ZHX2: variants seen among roughly 807,000 people sequenced by gnomAD.
ZHX2 encodes zinc fingers and homeoboxes 2.
ZHX2 carries 6 observed loss-of-function variants against 21.9 expected under a neutral mutation model. That is an observed-to-expected ratio of 0.27 (90% CI 0.15 to 0.54). The LOEUF is 0.54. Ranked by LOEUF, ZHX2 falls within the 20% of genes least tolerant of loss-of-function variation. ZHX2 has a pLI of 0.95. For missense variants in ZHX2, 908 were observed against 1,090.7 expected (o/e 0.83, Z 2.36); for synonymous variants, 434 against 437.1 (o/e 0.99, Z 0.09).
chr8:122,804,062 A>T lies in ZHX2; in HGVS notation c.-283+22116A>T, dbSNP rs11993654. Reference sequence around the variant, plus strand: ...CAGAAAACCCATCATCACTGGTAGAAGTTTGTAGGGATTCTTTCATTTTTG... The same window carrying T: ...CAGAAAACCCATCATCACTGGTAGATGTTTGTAGGGATTCTTTCATTTTTG... On this transcript the variant is annotated intron_variant, in intron 1 of 3. Coordinates refer to ENST00000314393, the MANE Select transcript of ZHX2 (RefSeq NM_014943.5). Among the ~76,000 whole-genome samples, 661 of 152,244 alleles carry T rather than the reference A, an allele frequency of 4.3e-3. 4 individuals are homozygous for T. Among genetic ancestry groups the T allele is most frequent in the African/African-American group, 0.015 (631 of 41,538 alleles).
chr8:122,874,089 T>C (rs1819509247), intron 2 of ZHX2, among the ~76,000 whole-genome samples: 2 of 152,202 alleles, frequency 1.3e-5, no homozygotes, highest in African/African-American at 4.8e-5. Context: ...CAAGTGCAGT[T>C]CTGAGAAGGG....
rs1188438516 is a variant in ZHX2 at position 122,930,652 on chromosome 8, T to G, written c.-219-20640T>G. Among the ~76,000 whole-genome samples, 4 of 151,790 alleles carry G rather than the reference T, an allele frequency of 2.6e-5. 1 individual carries two copies. Among genetic ancestry groups the G allele is most frequent in the South Asian group, 4.2e-4 (2 of 4,782 alleles). On this transcript the variant is annotated intron_variant, in intron 2 of 3. Transcript: ENST00000314393. ...ACGCCTGGCTAATTTTTGTTTTTTTTTTTTTTTTATTTTTTTCAGTAGAGA... is the reference window on the plus strand; with the variant it reads ...ACGCCTGGCTAATTTTTGTTTTTTTGTTTTTTTTATTTTTTTCAGTAGAGA...
chr8:122,965,442 C>G (rs115845066), intron 3 of ZHX2, among the ~76,000 whole-genome samples: 1 of 152,020 alleles, frequency 6.6e-6, no homozygotes, highest in South Asian at 2.1e-4. Flanking sequence ...TTAACTTCCA[C>G]GTATTTGTAT....
At chr8:122,796,038 G>A (rs1817607313) in intron 1 of ZHX2, among the ~76,000 whole-genome samples, 1 of 152,066 alleles carries the variant, frequency 6.6e-6, no homozygotes, top group Non-Finnish European at 1.5e-5. Flanking sequence ...GGGCATGGTG[G>A]CAGGCGCCTG....
At chr8:122,965,777 G>A (rs1391823794) in intron 3 of ZHX2, among the ~76,000 whole-genome samples, 2 of 152,070 alleles carry the variant, frequency 1.3e-5, no homozygotes, top group African/African-American at 2.4e-5. Context: ...TTGAGTTGCT[G>A]TCTATCTCAT....
rs538403685 is a variant in ZHX2, at chr8:122,834,232, T to C, written c.-282-29245T>C. On this transcript the variant is annotated intron_variant, in intron 1 of 3. Transcript: ENST00000314393. ...TTGGCTTGGATGAAGTGATGGTAGT[T>C]GCCAGGGCGTCTGTTCCAGGGCACC... is the stretch of plus-strand genomic sequence containing the variant. 2.0e-5 allele frequency among the ~76,000 whole-genome samples: 3 copies of C among 152,300 alleles called. No individual in the cohort carries two copies. In the South Asian group the frequency reaches 6.2e-4, roughly 32 times the overall value.
intron 1 of ZHX2, among the ~76,000 whole-genome samples, chr8:122,853,435 G>A (rs777310611): frequency 2.0e-5 from 3 of 152,182 alleles, no homozygotes; most frequent in East Asian, 1.9e-4. Context: ...GCATCTGAAT[G>A]TGTTAGCACA....
At chr8:122,878,151 G>A (rs1819614190) in intron 2 of ZHX2, among the ~76,000 whole-genome samples, 3 of 152,092 alleles carry the variant, frequency 2.0e-5, no homozygotes, top group Admixed American at 2.0e-4. Flanking sequence ...GGCAAAGAAA[G>A]GAAGGCTTGA....
intron 1 of ZHX2, among the ~76,000 whole-genome samples, chr8:122,793,320 G>T (rs1331981026): frequency 6.6e-6 from 1 of 152,162 alleles, no homozygotes; most frequent in Non-Finnish European, 1.5e-5. Flanking sequence ...AAGGAAACTG[G>T]ACATCCAGGC....
At chr8:122,807,921 G>A (rs567790957) in intron 1 of ZHX2, 1 of 152,302 alleles carries the variant, frequency 6.6e-6, no homozygotes, top group East Asian at 1.9e-4. Context: ...GTAGAGGTGA[G>A]ATCTCAGCTT....
intron 2 of ZHX2, among the ~76,000 whole-genome samples, chr8:122,935,058 G>A (rs1455651987): frequency 6.6e-6 from 1 of 151,812 alleles, no homozygotes; most frequent in African/African-American, 2.4e-5. Context: ...GTGCTATATA[G>A]TTTTTTTTAT....
At chr8:122,907,191 C>T (rs1820369696) in intron 2 of ZHX2, among the ~76,000 whole-genome samples, 1 of 152,142 alleles carries the variant, frequency 6.6e-6, no homozygotes, top group Admixed American at 6.5e-5. Flanking sequence ...CTTTCCTCAA[C>T]CTTTTGACAG....
chr8:122,872,651 T>G (rs76279505), intron 2 of ZHX2, among the ~76,000 whole-genome samples: 12,594 of 152,232 alleles, frequency 0.083, 628 homozygotes, highest in African/African-American at 0.12. Context: ...CTATAACTCG[T>G]AGATACCAAT....
At chr8:122,928,895 G>A (rs1318492112) in intron 2 of ZHX2, among the ~76,000 whole-genome samples, 1 of 152,186 alleles carries the variant, frequency 6.6e-6, no homozygotes, top group Non-Finnish European at 1.5e-5. Flanking sequence ...TTGGGACAAG[G>A]TGAGTTTTCC....
chr8:122,880,812 T>C (rs1440548606), intron 2 of ZHX2, among the ~76,000 whole-genome samples: 1 of 148,756 alleles, frequency 6.7e-6, no homozygotes, highest in Non-Finnish European at 1.5e-5. Context: ...GAGATGCTCA[T>C]GAGTGAGAAC....
At chr8:122,850,130 A>G (rs1428053765) in intron 1 of ZHX2, among the ~76,000 whole-genome samples, 1 of 152,060 alleles carries the variant, frequency 6.6e-6, no homozygotes, top group Non-Finnish European at 1.5e-5. Context: ...TTTCTCTCAC[A>G]CTTCATTCCA....
chr8:122,890,122 G>A (rs1819942420), intron 2 of ZHX2, among the ~76,000 whole-genome samples: 1 of 152,070 alleles, frequency 6.6e-6, no homozygotes, highest in African/African-American at 2.4e-5. Context: ...TCCACTTTGA[G>A]TTGATTTTTA....
chr8:122,855,197 T>C (rs1179215882), intron 1 of ZHX2, among the ~76,000 whole-genome samples: 1 of 152,218 alleles, frequency 6.6e-6, no homozygotes, highest in Non-Finnish European at 1.5e-5. Flanking sequence ...CTTGGCTAAC[T>C]GGGTGGCTCT....
intron 1 of ZHX2, among the ~76,000 whole-genome samples, chr8:122,850,261 C>T (rs1291118258): frequency 6.6e-6 from 1 of 152,146 alleles, no homozygotes; most frequent in East Asian, 1.9e-4. Context: ...GTGAGTGACG[C>T]TCCTGGATTT....
Sources: gnomAD v4.1 joint callset for allele counts (sites outside exome capture counted in the v4.1 genomes callset) on GRCh38, gnomAD v4.1.1 for gene constraint, MANE v1.5 for transcripts, NCBI Gene and HGNC (gene_info 2026-07-23, HGNC 2026-07-21) for gene names.